The following BRD10 variants were observed in gnomAD, a reference collection of about 807,000 sequenced individuals.
BRD10 encodes uncharacterized bromodomain-containing protein 10.
At chr9:5,912,051 CTCTT>C in the BRD10 span, among the ~76,000 whole-genome samples, 6 of 152,048 alleles carry the variant, frequency 3.9e-5, no homozygotes, top group Non-Finnish European at 7.4e-5. Flanking sequence ...TTTCTGTGTT[CTCTT>C]TGATTTCTTT....
chr9:5,920,232 G>A, the BRD10 span: 2 of 1,613,910 alleles, frequency 1.2e-6, no homozygotes, highest in Non-Finnish European at 1.7e-6. Context: ...AGAACTAAGG[G>A]GGCTCCATAT....
the BRD10 span, among the ~76,000 whole-genome samples, chr9:5,914,491 T>C: frequency 1.2e-4 from 16 of 132,578 alleles, no homozygotes; most frequent in Non-Finnish European, 2.4e-4. Context: ...TGACGCAATC[T>C]TGGCTCACTG....
At chr9:5,944,786 C>A in the BRD10 span, 1 of 560,980 alleles carries the variant, frequency 1.8e-6, no homozygotes, top group Non-Finnish European at 3.0e-6. Context: ...TCCAGGAAAA[C>A]AAGATTTCAA....
At chr9:5,942,566 G>A in the BRD10 span, among the ~76,000 whole-genome samples, 1 of 151,996 alleles carries the variant, frequency 6.6e-6, no homozygotes, top group East Asian at 1.9e-4. Context: ...TTTGCTTTTT[G>A]CTATGTGGCT....
chr9:5,946,812 C>T, the BRD10 span, among the ~76,000 whole-genome samples: 54 of 152,148 alleles, frequency 3.5e-4, no homozygotes, highest in East Asian at 8.7e-3. Context: ...ACCATGAAGA[C>T]ATATACCCCT....
the BRD10 span, among the ~76,000 whole-genome samples, chr9:5,970,292 T>TA: frequency 1.3e-5 from 2 of 152,148 alleles, no homozygotes; most frequent in African/African-American, 4.8e-5. Flanking sequence ...ATATCATGCA[T>TA]AAATACAGAA....
chr9:5,958,585 G>C, the BRD10 span, among the ~76,000 whole-genome samples: 2 of 152,136 alleles, frequency 1.3e-5, no homozygotes, highest in Admixed American at 6.5e-5. Context: ...CCCGGAGTTC[G>C]AGGCCAGGTG....
the BRD10 span, chr9:5,988,444 G>A: frequency 3.1e-6 from 5 of 1,613,892 alleles, no homozygotes; most frequent in Non-Finnish European, 3.4e-6. Context: ...ACTTCGCGGT[G>A]TTGACCGACG....
chr9:5,907,675 G>A, the BRD10 span, among the ~76,000 whole-genome samples: 1 of 152,104 alleles, frequency 6.6e-6, no homozygotes, highest in African/African-American at 2.4e-5. Context: ...ACATATGGCT[G>A]GGCATGGTGG....
chr9:5,966,904 G>A, the BRD10 span, among the ~76,000 whole-genome samples: 1 of 152,134 alleles, frequency 6.6e-6, no homozygotes, highest in Non-Finnish European at 1.5e-5. Context: ...TCAATGTGGA[G>A]CATTTTGAAA....
the BRD10 span, chr9:5,922,091 G>A: frequency 1.2e-6 from 2 of 1,613,880 alleles, no homozygotes; most frequent in African/African-American, 2.7e-5. Flanking sequence ...AGTATTGGGT[G>A]AATTTTGATC....
chr9:5,973,895 C>T, the BRD10 span, among the ~76,000 whole-genome samples: 1 of 151,952 alleles, frequency 6.6e-6, no homozygotes, highest in Non-Finnish European at 1.5e-5. Flanking sequence ...AAAACCAAAA[C>T]AAAACAAAAG....
the BRD10 span, among the ~76,000 whole-genome samples, chr9:5,977,317 T>C: frequency 6.6e-6 from 1 of 152,166 alleles, no homozygotes; most frequent in Non-Finnish European, 1.5e-5. Context: ...CCTCAGACTA[T>C]GAATACTAAA....
At chr9:5,884,264 C>G in the BRD10 span, among the ~76,000 whole-genome samples, 3 of 152,240 alleles carry the variant, frequency 2.0e-5, no homozygotes, top group Non-Finnish European at 4.4e-5. Context: ...AGATTTACTG[C>G]AAGTCTGGTC....
At chr9:5,908,313 G>C in the BRD10 span, among the ~76,000 whole-genome samples, 1 of 152,204 alleles carries the variant, frequency 6.6e-6, no homozygotes, top group Non-Finnish European at 1.5e-5. Context: ...TGGTAAAGAT[G>C]CAATGTATAT....
chr9:5,922,420 A>G, the BRD10 span: 2 of 1,614,036 alleles, frequency 1.2e-6, no homozygotes, highest in Non-Finnish European at 1.7e-6. Flanking sequence ...AGTTACTTAC[A>G]GAGGTTACAG....
chr9:5,950,658 T>C, the BRD10 span, among the ~76,000 whole-genome samples: 1 of 152,136 alleles, frequency 6.6e-6, no homozygotes, highest in Non-Finnish European at 1.5e-5. Context: ...GACATAACTC[T>C]TAGGAAAAAG....
At chr9:5,954,838 C>T in the BRD10 span, among the ~76,000 whole-genome samples, 1 of 152,122 alleles carries the variant, frequency 6.6e-6, no homozygotes, top group African/African-American at 2.4e-5. Context: ...CACCTGTAAT[C>T]CCAGCACTTT....
the BRD10 span, among the ~76,000 whole-genome samples, chr9:5,987,683 C>G: frequency 6.6e-6 from 1 of 152,166 alleles, no homozygotes; most frequent in African/African-American, 2.4e-5. Flanking sequence ...ATTAACAAGT[C>G]CTTATAACAT....
Sources: allele counts gnomAD v4.1 joint callset (sites outside exome capture counted in the v4.1 genomes callset), GRCh38; gene constraint gnomAD v4.1.1; transcripts MANE v1.5; gene names NCBI Gene and HGNC (gene_info 2026-07-23, HGNC 2026-07-21).